CNKSR2: variants seen among roughly 807,000 people sequenced by gnomAD.
The protein encoded by CNKSR2 is connector enhancer of kinase suppressor of Ras 2, also known as CNK homolog protein 2.
CNKSR2 carries 14 observed loss-of-function variants against 84.4 expected under a neutral mutation model. The observed-to-expected ratio is 0.17, with a 90% CI of 0.11 to 0.26. The LOEUF (loss-of-function observed/expected upper bound fraction) is 0.26. Among genes scored for constraint, CNKSR2 ranks in the 10% least tolerant of loss-of-function variants. The pLI is 1.00. For synonymous variants in CNKSR2, 275 were observed against 277.9 expected (o/e 0.99, Z 0.10); for missense variants, 485 against 771.2 (o/e 0.63, Z 4.40).
intron 4 of CNKSR2, among the ~76,000 whole-genome samples, chrX:21,452,792 T>TTTTA (rs1313546353): frequency 9.6e-6 from 1 of 104,302 alleles, no homozygotes; most frequent in African/African-American, 3.5e-5. Flanking sequence ...TTTTATTTTA[T>TTTTA]TTTATTTTAT....
At chrX:21,390,438 C>T (rs758068176) in intron 1 of CNKSR2, among the ~76,000 whole-genome samples, 7 of 110,589 alleles carry the variant, frequency 6.3e-5, no homozygotes, top group Non-Finnish European at 1.1e-4. Context: ...TCAATCATGG[C>T]GGAAGGTGAA....
chrX:21,453,196 C>T (rs1246928238), intron 4 of CNKSR2, among the ~76,000 whole-genome samples: 1 of 111,731 alleles, frequency 9.0e-6, no homozygotes, highest in Non-Finnish European at 1.9e-5. Context: ...TGCATCAGAA[C>T]TTTTTTATAA....
At chrX:21,489,414 T>G (rs1380694345) in intron 5 of CNKSR2, among the ~76,000 whole-genome samples, 1 of 111,120 alleles carries the variant, frequency 9.0e-6, no homozygotes, top group African/African-American at 3.3e-5. Context: ...GATAATACCT[T>G]GATTGCAAAA....
intron 1 of CNKSR2, among the ~76,000 whole-genome samples, chrX:21,417,551 C>G (rs1338073731): frequency 1.8e-5 from 2 of 111,635 alleles, no homozygotes; most frequent in African/African-American, 6.5e-5. Context: ...GGTTCTCTCT[C>G]TCTTTAGCTT....
chrX:21,583,306 G>T (rs997745780), intron 13 of CNKSR2, among the ~76,000 whole-genome samples: 3 of 111,333 alleles, frequency 2.7e-5, no homozygotes, highest in Non-Finnish European at 5.7e-5. Context: ...TAAGTTCTAT[G>T]CTGTTATTTC....
intron 20 of CNKSR2, chrX:21,643,825 C>G (rs2092698900): frequency 9.0e-6 from 1 of 110,800 alleles, no homozygotes; most frequent in Non-Finnish European, 1.9e-5. Context: ...ACTGCCTTCC[C>G]CAAACCCAGT....
chrX:21,480,909 AAAC>A (rs2091312495), intron 5 of CNKSR2, among the ~76,000 whole-genome samples: 1 of 112,157 alleles, frequency 8.9e-6, no homozygotes, highest in African/African-American at 3.2e-5. Flanking sequence ...TTTACTTGCC[AAAC>A]AATGTTCAAA....
At chrX:21,590,908 AC>A in intron 14 of CNKSR2, 113 bp from the exon 15 acceptor site, 1 of 639,940 alleles carries the variant, frequency 1.6e-6, no homozygotes, top group Admixed American at 3.3e-5. Context: ...CTAGTCTAAT[AC>A]AATATAAAAA....
intron 11 of CNKSR2, among the ~76,000 whole-genome samples, chrX:21,560,913 C>T (rs2092182402): frequency 9.0e-6 from 1 of 111,091 alleles, no homozygotes; most frequent in African/African-American, 3.3e-5. Context: ...GAAGCAGACT[C>T]AGCTGTAGGA....
chrX:21,643,536 T>A (rs2092698063), intron 20 of CNKSR2: 1 of 111,860 alleles, frequency 8.9e-6, no homozygotes, highest in Non-Finnish European at 1.9e-5. Context: ...AAGCACATTA[T>A]CATTATTACA....
rs1173088754 is a variant in CNKSR2 at position 21,652,656 on chromosome X, A to G, written c.*135A>G. ...CCAAACTATATGAAACAAACCATAT[A>G]TGGTCACAATACCACTATCTTTAAT... On this transcript the variant is annotated 3_prime_UTR_variant, in exon 22 of 22. Transcript: ENST00000379510. 1 of 463,152 alleles carries G rather than the reference A, an allele frequency of 2.2e-6. No individual in the cohort carries two copies. The highest frequency in any genetic ancestry group is 3.7e-5 in the East Asian group (1 of 27,225). 38.2% of individuals were successfully genotyped at this position (463,152 alleles called of 1,213,427 possible).
chrX:21,450,065 C>CTGTG (rs112215037), intron 4 of CNKSR2, among the ~76,000 whole-genome samples: 28 of 107,301 alleles, frequency 2.6e-4, no homozygotes, highest in African/African-American at 8.5e-4. Context: ...TGTGTTTGTA[C>CTGTG]TGTGTGTGTG....
At chrX:21,507,868 T>C (rs2091629765) in intron 8 of CNKSR2, among the ~76,000 whole-genome samples, 2 of 112,028 alleles carry the variant, frequency 1.8e-5, no homozygotes. Flanking sequence ...GATGCTTCAT[T>C]TTACTCCTTA....
chrX:21,439,390 T>TTA (rs1040460064), intron 3 of CNKSR2, among the ~76,000 whole-genome samples: 7 of 110,940 alleles, frequency 6.3e-5, no homozygotes, highest in African/African-American at 2.0e-4. Context: ...CACTGAATGC[T>TTA]TATATATATC....
intron 9 of CNKSR2, among the ~76,000 whole-genome samples, chrX:21,525,207 G>A (rs1352974151): frequency 9.0e-6 from 1 of 110,668 alleles, no homozygotes; most frequent in Non-Finnish European, 1.9e-5. Context: ...TTATTTCCTT[G>A]GGATTTATGG....
intron 8 of CNKSR2, 72 bp downstream of exon 8, chrX:21,501,660 A>G (rs2091561478): frequency 2.0e-6 from 1 of 494,347 alleles, no homozygotes; most frequent in Non-Finnish European, 3.3e-6. Flanking sequence ...AAGAATGCCA[A>G]TGAAATGAAA....
At chrX:21,412,048 T>C (rs900244341) in intron 1 of CNKSR2, among the ~76,000 whole-genome samples, 10 of 112,069 alleles carry the variant, frequency 8.9e-5, no homozygotes, top group African/African-American at 3.2e-4. Context: ...AGGAAAATCA[T>C]ATAGAAGTCT....
At chrX:21,564,014 G>T (rs1465676714) in intron 13 of CNKSR2, among the ~76,000 whole-genome samples, 1 of 111,018 alleles carries the variant, frequency 9.0e-6, no homozygotes, top group Non-Finnish European at 1.9e-5. Flanking sequence ...AAAGGCTTCA[G>T]AGTGGGGAGC....
chrX:21,560,997 A>G (rs770972420), intron 11 of CNKSR2, among the ~76,000 whole-genome samples: 25 of 110,486 alleles, frequency 2.3e-4, no homozygotes, highest in Admixed American at 9.7e-5. Context: ...GATGGGAAGC[A>G]GCGAAGATAA....
Sources: gnomAD v4.1 joint callset for allele counts (sites outside exome capture counted in the v4.1 genomes callset) on GRCh38, gnomAD v4.1.1 for gene constraint, MANE v1.5 for transcripts, NCBI Gene and HGNC (gene_info 2026-07-23, HGNC 2026-07-21) for gene names.